Variants in FMNL2 observed in about 807,000 individuals in gnomAD.
FMNL2 encodes formin-like protein 2.
Under a neutral mutation model 130.2 loss-of-function variants are expected in FMNL2, and 51 were observed. That is an observed-to-expected ratio of 0.39 (90% CI 0.31 to 0.49). FMNL2 has a LOEUF of 0.49. Ranked by LOEUF, FMNL2 falls within the 20% of genes least tolerant of loss-of-function variation. The probability of loss-of-function intolerance (pLI) is 0.85; values close to 1 mark genes in which losing one functional copy is unlikely to be tolerated. For missense variants in FMNL2, 977 were observed against 1,316.2 expected (o/e 0.74, Z 3.99); for synonymous variants, 465 against 467.1 (o/e 1.00, Z 0.06).
chr2:152,593,650 T>C (rs189420902), intron 9 of FMNL2, among the ~76,000 whole-genome samples: 96 of 152,276 alleles, frequency 6.3e-4, no homozygotes. Context: ...TAATATACAC[T>C]TAATGAAGAG....
chr2:152,571,853 T>C (rs139158973), intron 6 of FMNL2, among the ~76,000 whole-genome samples: 52 of 152,230 alleles, frequency 3.4e-4, no homozygotes, highest in Non-Finnish European at 6.8e-4. Flanking sequence ...ACTAGTTTCA[T>C]TTGAGCGGTT....
chr2:152,388,260 C>T (rs1259625849), intron 1 of FMNL2, among the ~76,000 whole-genome samples: 2 of 152,078 alleles, frequency 1.3e-5, no homozygotes, highest in African/African-American at 4.8e-5. Flanking sequence ...TTGGTCTGTT[C>T]TCACATTGCT....
At chr2:152,379,356 C>G (rs940387151) in intron 1 of FMNL2, among the ~76,000 whole-genome samples, 2 of 152,200 alleles carry the variant, frequency 1.3e-5, no homozygotes, top group Non-Finnish European at 2.9e-5. Context: ...GCTGGATAGT[C>G]TTCTTGCAGT....
In FMNL2 at chr2:152,618,422, G is replaced by A. The variant is rs995301637; in HGVS notation, c.1315-424G>A. On this transcript the variant is annotated intron_variant, in intron 13 of 25. Transcript: ENST00000288670. ...CAGATTTTTAATCCCAGTCTGATTTGTATCCAAGTCTGATTTAGGGCCCTT... is the reference window on the plus strand; with the variant it reads ...CAGATTTTTAATCCCAGTCTGATTTATATCCAAGTCTGATTTAGGGCCCTT... 9.2e-5 allele frequency among the ~76,000 whole-genome samples: 14 copies of A among 152,268 alleles called. 2 individuals carry two copies. In the Middle Eastern group the frequency reaches 0.01, roughly 111 times the overall value.
At chr2:152,627,625 C>G (rs1195887070) in intron 17 of FMNL2, among the ~76,000 whole-genome samples, 1 of 152,102 alleles carries the variant, frequency 6.6e-6, no homozygotes, top group Admixed American at 6.5e-5. Context: ...TCTTGTTTGT[C>G]ATGATGATTA....
chr2:152,408,341 A>C (rs1686110193), intron 1 of FMNL2, among the ~76,000 whole-genome samples: 1 of 152,166 alleles, frequency 6.6e-6, no homozygotes, highest in African/African-American at 2.4e-5. Context: ...TATGTTTCTT[A>C]GGACAAGTGA....
chr2:152,617,191 G>A lies in FMNL2; in HGVS notation c.1313G>A (p.Arg438Gln), dbSNP rs774299302. The A allele has an allele frequency of 2.0e-5, 32 of 1,613,716 alleles. No homozygotes were observed. The highest frequency in any genetic ancestry group is 2.4e-5 in the Non-Finnish European group (28 of 1,179,786). ...AGGAACAAGGAGCTGGATGTCGTTC[G>A]GGTAAGTGTAATGATGACAACTGCC... ...MQRNKELDVVREIYKDANTQV... is the reference protein window; with the variant it reads ...MQRNKELDVVQEIYKDANTQV... Residue 438 changes from arginine (R) to glutamine (Q), a missense_variant and splice_region_variant, in exon 13 of 26, where the codon CGG (arginine) becomes CAG (glutamine). By Grantham distance (43) the Arg-to-Gln change is conservative. Coordinates refer to ENST00000288670, the MANE Select transcript of FMNL2 (RefSeq NM_052905.4).
intron 1 of FMNL2, among the ~76,000 whole-genome samples, chr2:152,423,487 T>C (rs1331743581): frequency 6.6e-6 from 1 of 152,064 alleles, no homozygotes; most frequent in Non-Finnish European, 1.5e-5. Flanking sequence ...GCTAACTAGA[T>C]GGATGGAAGG....
intron 1 of FMNL2, among the ~76,000 whole-genome samples, chr2:152,409,236 TA>T (rs537093709): frequency 2.6e-4 from 40 of 152,230 alleles, no homozygotes; most frequent in African/African-American, 8.2e-4. Context: ...ATTCAAGGCT[TA>T]AAAAAAATTC....
At chr2:152,612,011 T>C (rs1434091682) in intron 11 of FMNL2, among the ~76,000 whole-genome samples, 2 of 152,068 alleles carry the variant, frequency 1.3e-5, no homozygotes, top group African/African-American at 4.8e-5. Context: ...GATGAGTCAG[T>C]GCTTAGAGCA....
chr2:152,444,357 A>G (rs949071360), intron 1 of FMNL2, among the ~76,000 whole-genome samples: 2 of 152,196 alleles, frequency 1.3e-5, no homozygotes, highest in African/African-American at 2.4e-5. Flanking sequence ...GGTGGTCTGC[A>G]TGACTATCCC....
At chr2:152,523,525 A>G (rs941579973) in intron 2 of FMNL2, among the ~76,000 whole-genome samples, 1 of 152,236 alleles carries the variant, frequency 6.6e-6, no homozygotes, top group Admixed American at 6.5e-5. Context: ...TTTGAACAAG[A>G]TATATTTAAA....
chr2:152,549,997 C>G (rs185696448), intron 4 of FMNL2, among the ~76,000 whole-genome samples: 2 of 152,260 alleles, frequency 1.3e-5, no homozygotes, highest in African/African-American at 4.8e-5. Flanking sequence ...ATATATTGCA[C>G]TTTAGTTTTA....
intron 1 of FMNL2, among the ~76,000 whole-genome samples, chr2:152,444,295 A>T (rs577862550): frequency 2.0e-4 from 31 of 152,276 alleles, no homozygotes; most frequent in African/African-American, 7.5e-4. Context: ...GGATAGAGGC[A>T]TGTCCATGGG....
intron 1 of FMNL2, chr2:152,389,932 G>A: frequency 2.7e-6 from 3 of 1,102,714 alleles, no homozygotes; most frequent in Non-Finnish European, 4.1e-6. Flanking sequence ...GGCCGGGCTG[G>A]CCAAGGAAGC....
chr2:152,604,142 G>A (rs905192210), intron 9 of FMNL2, among the ~76,000 whole-genome samples: 1 of 150,988 alleles, frequency 6.6e-6, no homozygotes, highest in Non-Finnish European at 1.5e-5. Flanking sequence ...TTTCATCTCT[G>A]TGTGTCTCAG....
At position 152,641,011 on chromosome 2, in the gene FMNL2, G is replaced by T. The variant is rs1683039085; in HGVS notation, c.3169+97G>T. 7.2e-6 allele frequency: 11 copies of T among 1,524,902 alleles called. No individual in the cohort carries two copies. In the South Asian group the frequency reaches 1.2e-4, roughly 16 times the overall value. 94.5% of individuals were successfully genotyped at this position (1,524,902 alleles called of 1,614,324 possible). ...TTTGCAGCTTCTTTTGTCCAGGGTT[G>T]TCAAGTTCATTAGTTGACTTTATTC... On this transcript the variant is annotated intron_variant, in intron 25 of 25. Coordinates refer to ENST00000288670, the MANE Select transcript of FMNL2 (RefSeq NM_052905.4).
At chr2:152,410,948 G>A (rs1300297570) in intron 1 of FMNL2, among the ~76,000 whole-genome samples, 2 of 152,106 alleles carry the variant, frequency 1.3e-5, no homozygotes, top group African/African-American at 4.8e-5. Flanking sequence ...CTCTGTGCTT[G>A]CTACAGAATC....
chr2:152,508,826 T>G (rs941669192), intron 1 of FMNL2, among the ~76,000 whole-genome samples: 3 of 152,232 alleles, frequency 2.0e-5, no homozygotes, highest in African/African-American at 7.2e-5. Flanking sequence ...ACAGTCAGAT[T>G]TCTGCATCCT....
Sources: allele counts gnomAD v4.1 joint callset (sites outside exome capture counted in the v4.1 genomes callset), GRCh38; gene constraint gnomAD v4.1.1; transcripts MANE v1.5; gene names NCBI Gene and HGNC (gene_info 2026-07-23, HGNC 2026-07-21).